AMPH: variants seen among roughly 807,000 people sequenced by gnomAD.
AMPH encodes the protein amphiphysin, also known as amphiphysin (Stiff-Mann syndrome with breast cancer 128kD autoantigen).
AMPH carries 49 observed loss-of-function variants against 99.1 expected under a neutral mutation model. The observed-to-expected ratio is 0.49, with a 90% CI of 0.39 to 0.63. The LOEUF is 0.63. Among genes scored for constraint, AMPH ranks in the 20% least tolerant of loss-of-function variants. The pLI, the probability that AMPH is intolerant of heterozygous loss-of-function variation, is 0.00. For synonymous variants in AMPH, 314 were observed against 317.3 expected, an observed-to-expected ratio of 0.99 and a Z score of 0.11; for missense variants, 759 against 863.4, an observed-to-expected ratio of 0.88 and a Z score of 1.52.
chr7:38,574,161 T>C (rs1418311870), intron 1 of AMPH, among the ~76,000 whole-genome samples: 1 of 152,238 alleles, frequency 6.6e-6, no homozygotes, highest in Non-Finnish European at 1.5e-5. Context: ...CATCTTGATT[T>C]CCCACAACGA....
chr7:38,586,321 A>G (rs17498549), intron 1 of AMPH, among the ~76,000 whole-genome samples: 3 of 152,148 alleles, frequency 2.0e-5, no homozygotes, highest in Non-Finnish European at 4.4e-5. Context: ...AATTTTTAAA[A>G]GGGCATTCTC....
At chr7:38,439,805 T>C (rs1376451018) in intron 11 of AMPH, among the ~76,000 whole-genome samples, 1 of 152,118 alleles carries the variant, frequency 6.6e-6, no homozygotes, top group East Asian at 1.9e-4. Flanking sequence ...TTTCATGAGG[T>C]GTCTTCTACT....
At chr7:38,389,743 C>T in intron 20 of AMPH, 61 bp downstream of exon 20, 1 of 1,273,772 alleles carries the variant, frequency 7.9e-7, no homozygotes, top group Admixed American at 1.7e-5. Context: ...GTGATTGTGT[C>T]CAACAGACCC....
rs375495010 is a variant in AMPH at position 38,611,949 on chromosome 7, C to T, written c.69+19334G>A. Among the ~76,000 whole-genome samples, 115 of 152,268 alleles carry T rather than the reference C, an allele frequency of 7.6e-4. 1 individual carries two copies. In the Middle Eastern group the frequency reaches 0.017, roughly 23 times the overall value. On this transcript the variant is annotated intron_variant, in intron 1 of 20. Transcript: ENST00000356264. ...ACCTTTGGGTGTTAATCCTCAAACA[C>T]GGTCTGTCTACACAGCTTAATAAGT...
At chr7:38,579,581 C>T (rs10270049) in intron 1 of AMPH, among the ~76,000 whole-genome samples, 123,524 of 152,148 alleles carry the variant, frequency 0.81, 50,536 homozygotes, top group Non-Finnish European at 0.84. Context: ...TATCGGTTGG[C>T]ATGAAGTGAA....
intron 16 of AMPH, among the ~76,000 whole-genome samples, chr7:38,420,658 T>C (rs1397922246): frequency 6.6e-6 from 1 of 151,946 alleles, no homozygotes; most frequent in Non-Finnish European, 1.5e-5. Context: ...GGCGGGTCAA[T>C]ACAGAGGAAG....
chr7:38,590,358 T>A (rs1021921342), intron 1 of AMPH, among the ~76,000 whole-genome samples: 5 of 152,092 alleles, frequency 3.3e-5, no homozygotes, highest in Non-Finnish European at 7.4e-5. Context: ...TCTGGAGGGG[T>A]AGAAGTCAGC....
intron 17 of AMPH, among the ~76,000 whole-genome samples, chr7:38,412,156 G>C (rs1006584568): frequency 1.3e-5 from 2 of 152,222 alleles, no homozygotes; most frequent in Non-Finnish European, 1.5e-5. Flanking sequence ...GAACGAGATA[G>C]AGGTGATGAC....
In AMPH at chr7:38,422,223, G is replaced by A. The variant is rs141673481; in HGVS notation, c.1272+198C>T. On this transcript the variant is annotated intron_variant, in intron 16 of 20. Transcript: ENST00000356264. ...GACTAGTTTTTGCTGGAATCACTGT[G>A]CCTGTGTGAATAGAAATAACCAAAT... Among the ~76,000 whole-genome samples, 262 of 152,308 alleles carry A rather than the reference G, an allele frequency of 1.7e-3. No individual in the cohort carries two copies. Among genetic ancestry groups the A allele is most frequent in the Admixed American group, 2.9e-3 (44 of 15,296 alleles).
intron 1 of AMPH, among the ~76,000 whole-genome samples, chr7:38,628,584 A>T (rs1794339547): frequency 6.6e-6 from 1 of 152,234 alleles, no homozygotes; most frequent in Non-Finnish European, 1.5e-5. Context: ...ATGTACATGT[A>T]TAGAAGGATG....
At chr7:38,545,642 T>C (rs1162776531) in intron 1 of AMPH, among the ~76,000 whole-genome samples, 4 of 152,156 alleles carry the variant, frequency 2.6e-5, no homozygotes, top group African/African-American at 9.7e-5. Flanking sequence ...GAAAAAGAGA[T>C]AGGCTACACG....
At chr7:38,571,597 G>A (rs1415806835) in intron 1 of AMPH, among the ~76,000 whole-genome samples, 1 of 144,784 alleles carries the variant, frequency 6.9e-6, no homozygotes, top group African/African-American at 2.5e-5. Context: ...AAAGCTTATA[G>A]AATAAGGATA....
chr7:38,523,417 G>A (rs1288818620), intron 2 of AMPH, among the ~76,000 whole-genome samples: 1 of 152,102 alleles, frequency 6.6e-6, no homozygotes, highest in African/African-American at 2.4e-5. Context: ...TTTTGGCAAG[G>A]GAAAGCACAA....
chr7:38,617,881 G>A (rs1793930461), intron 1 of AMPH, among the ~76,000 whole-genome samples: 1 of 152,020 alleles, frequency 6.6e-6, no homozygotes, highest in Non-Finnish European at 1.5e-5. Context: ...AACTACTAAG[G>A]GGAGTATGAA....
intron 1 of AMPH, among the ~76,000 whole-genome samples, chr7:38,568,620 T>A (rs1351055491): frequency 6.6e-6 from 1 of 152,220 alleles, no homozygotes; most frequent in African/African-American, 2.4e-5. Flanking sequence ...TACTAATTAT[T>A]CTGAAGTTGC....
At chr7:38,623,757 C>T (rs1794148239) in intron 1 of AMPH, among the ~76,000 whole-genome samples, 1 of 152,144 alleles carries the variant, frequency 6.6e-6, no homozygotes, top group East Asian at 1.9e-4. Context: ...GCACACCATC[C>T]ACAATATTTC....
intron 15 of AMPH, among the ~76,000 whole-genome samples, chr7:38,425,401 T>C (rs562440762): frequency 2.0e-5 from 3 of 152,244 alleles, no homozygotes; most frequent in Admixed American, 2.0e-4. Flanking sequence ...AACTATAGAG[T>C]ATGGGGTTGA....
chr7:38,475,286 A>G, intron 7 of AMPH, 45 bp downstream of exon 7: 1 of 1,277,180 alleles, frequency 7.8e-7, no homozygotes, highest in Non-Finnish European at 1.1e-6. Context: ...ACTGATCTTG[A>G]ATTTCTAAAA....
chr7:38,429,978 GT>G, intron 13 of AMPH, 113 bp from the exon 14 acceptor site: 2 of 985,762 alleles, frequency 2.0e-6, no homozygotes, highest in Non-Finnish European at 2.9e-6. Flanking sequence ...GCTTTTACTG[GT>G]TTAGGAACAA....
Sources: allele counts gnomAD v4.1 joint callset (sites outside exome capture counted in the v4.1 genomes callset), GRCh38; gene constraint gnomAD v4.1.1; transcripts MANE v1.5; gene names NCBI Gene and HGNC (gene_info 2026-07-23, HGNC 2026-07-21).